AKAP13: variants seen among roughly 807,000 people sequenced by gnomAD.
AKAP13 encodes the protein A-kinase anchoring protein 13.
AKAP13 carries 80 observed loss-of-function variants against 264.5 expected under a neutral mutation model. That is an observed-to-expected ratio of 0.30 (90% CI 0.25 to 0.36). AKAP13 has a LOEUF of 0.36. Ranked by LOEUF, AKAP13 falls within the 10% of genes least tolerant of loss-of-function variation. AKAP13 has a pLI of 1.00. For missense variants in AKAP13, 3,712 were observed against 3,435.2 expected (o/e 1.08, Z -2.01); for synonymous variants, 1,380 against 1,250.2 (o/e 1.10, Z -2.19).
intron 9 of AKAP13, among the ~76,000 whole-genome samples, chr15:85,641,936 A>C (rs944679884): frequency 1.3e-5 from 2 of 152,210 alleles, no homozygotes; most frequent in African/African-American, 4.8e-5. Flanking sequence ...GTTTGTTGGC[A>C]TATATGTTGT....
chr15:85,594,328 T>A (rs2079712347), intron 8 of AKAP13, among the ~76,000 whole-genome samples: 1 of 152,234 alleles, frequency 6.6e-6, no homozygotes, highest in African/African-American at 2.4e-5. Context: ...AAGGCTCATA[T>A]TCTAGTAGGA....
At chr15:85,742,042 C>T (rs549827282) in intron 35 of AKAP13, among the ~76,000 whole-genome samples, 1 of 152,296 alleles carries the variant, frequency 6.6e-6, no homozygotes, top group East Asian at 1.9e-4. Context: ...CTCAAAAAAA[C>T]ACACACAGAA....
intron 12 of AKAP13, 80 bp from the exon 13 acceptor site, chr15:85,664,483 A>G: frequency 3.6e-6 from 5 of 1,396,602 alleles, no homozygotes; most frequent in Admixed American, 2.1e-5. Flanking sequence ...CAAGGGAGAT[A>G]TACCCAAAGG....
intron 13 of AKAP13, among the ~76,000 whole-genome samples, chr15:85,668,808 T>C (rs1414692826): frequency 6.6e-6 from 1 of 152,016 alleles, no homozygotes; most frequent in Non-Finnish European, 1.5e-5. Context: ...CTGGGCGTGG[T>C]GGTGCACCCC....
rs541006841 is a variant in AKAP13 at position 85,555,833 on chromosome 15, C to T, written c.662+11878C>T. The stretch of plus-strand genomic sequence containing the variant: ...AATTTTGTTGTATCATATACATAAA[C>T]TGTGGACACTTGGTTTGGATGCTGT... On this transcript the variant is annotated intron_variant, in intron 5 of 36. Coordinates refer to ENST00000394518, the MANE Select transcript of AKAP13 (RefSeq NM_007200.5). Among the ~76,000 whole-genome samples, 9 of 152,010 alleles carry T rather than the reference C, an allele frequency of 5.9e-5. 1 individual carries two copies. The highest frequency in any genetic ancestry group is 2.2e-4 in the African/African-American group (9 of 41,500).
At chr15:85,401,149 A>G (rs1380821347) in intron 1 of AKAP13, among the ~76,000 whole-genome samples, 2 of 152,112 alleles carry the variant, frequency 1.3e-5, no homozygotes, top group African/African-American at 4.8e-5. Context: ...GACACGAGCC[A>G]CTGTGCCCGG....
chr15:85,630,953 CA>C (rs2081758812), intron 8 of AKAP13, among the ~76,000 whole-genome samples: 1 of 151,470 alleles, frequency 6.6e-6, no homozygotes. Flanking sequence ...CATGTCCACA[CA>C]AAAACTCTGA....
Position 85,745,021 on chromosome 15 carries a change from G to T in AKAP13, c.*344G>T. ...AGGCTGAAAGAGTGTATCCAAGTAAGGTCTGAACCTCCGAATGCCTTTTAT... is the reference window on the plus strand; with the variant it reads ...AGGCTGAAAGAGTGTATCCAAGTAATGTCTGAACCTCCGAATGCCTTTTAT... On this transcript the variant is annotated 3_prime_UTR_variant, in exon 37 of 37. Coordinates refer to ENST00000394518, the MANE Select transcript of AKAP13 (RefSeq NM_007200.5). 1 of 218,268 alleles carries T rather than the reference G, an allele frequency of 4.6e-6. No homozygotes were observed. Among genetic ancestry groups the T allele is most frequent in the Non-Finnish European group, 9.1e-6 (1 of 109,970 alleles). 13.5% of individuals were successfully genotyped at this position (218,268 alleles called of 1,614,324 possible). A position where few individuals can be genotyped will look rare whatever the true frequency, so the allele number is the denominator to read the frequency against.
chr15:85,717,063 GGCTC>G, intron 20 of AKAP13: 1 of 453,516 alleles, frequency 2.2e-6, no homozygotes, highest in East Asian at 4.2e-5. Context: ...TCTTTAAAAA[GGCTC>G]AAAAAGTCCT....
chr15:85,520,203 A>C (rs75536012), intron 2 of AKAP13, among the ~76,000 whole-genome samples: 1,611 of 152,204 alleles, frequency 0.011, 37 homozygotes, highest in African/African-American at 0.034. Context: ...AAACTACTAA[A>C]GAGTATTTGC....
At chr15:85,561,605 T>C (rs2151264314) in intron 5 of AKAP13, among the ~76,000 whole-genome samples, 1 of 152,360 alleles carries the variant, frequency 6.6e-6, no homozygotes, top group East Asian at 1.9e-4. Flanking sequence ...TTGTGAATGT[T>C]GGTATATTAG....
At chr15:85,389,602 T>C (rs1231929575) in intron 1 of AKAP13, among the ~76,000 whole-genome samples, 26 of 152,196 alleles carry the variant, frequency 1.7e-4, no homozygotes, top group Admixed American at 1.7e-3. Flanking sequence ...ATTACAGGAT[T>C]CTCAAAATCT....
chr15:85,513,293 G>T (rs1209826534), intron 2 of AKAP13, among the ~76,000 whole-genome samples: 2 of 152,100 alleles, frequency 1.3e-5, no homozygotes, highest in Admixed American at 1.3e-4. Flanking sequence ...CATCTGTATT[G>T]ATAGGGCTTC....
intron 2 of AKAP13, among the ~76,000 whole-genome samples, chr15:85,491,892 T>C (rs1401313216): frequency 6.6e-6 from 1 of 152,174 alleles, no homozygotes. Flanking sequence ...ATGCATGCAG[T>C]GCTCACAGCA....
chr15:85,636,389 T>C (rs919321535), intron 8 of AKAP13, among the ~76,000 whole-genome samples: 3 of 152,236 alleles, frequency 2.0e-5, no homozygotes, highest in Non-Finnish European at 4.4e-5. Context: ...TTCTTTCTTT[T>C]TCTGCTTTAC....
At chr15:85,599,430 C>A (rs1596659044) in intron 8 of AKAP13, among the ~76,000 whole-genome samples, 1 of 152,154 alleles carries the variant, frequency 6.6e-6, no homozygotes, top group Admixed American at 6.5e-5. Context: ...CCACAGGTTT[C>A]TTTGTAGCCA....
chr15:85,442,429 T>C (rs1369217249), intron 1 of AKAP13, among the ~76,000 whole-genome samples: 1 of 127,562 alleles, frequency 7.8e-6, no homozygotes, highest in Non-Finnish European at 1.6e-5. Flanking sequence ...AAAAAATATA[T>C]ATATATATAA....
intron 1 of AKAP13, among the ~76,000 whole-genome samples, chr15:85,410,769 C>T (rs1373897745): frequency 6.6e-6 from 1 of 151,648 alleles, no homozygotes; most frequent in Non-Finnish European, 1.5e-5. Flanking sequence ...GAATCCTTCT[C>T]TAGCTGGTCC....
intron 17 of AKAP13, among the ~76,000 whole-genome samples, chr15:85,699,413 T>C (rs1452410910): frequency 1.3e-5 from 2 of 151,692 alleles, no homozygotes; most frequent in Non-Finnish European, 2.9e-5. Context: ...CACCGCACTT[T>C]AGCGTGCGCA....
Sources: gnomAD v4.1 joint callset for allele counts (sites outside exome capture counted in the v4.1 genomes callset) on GRCh38, gnomAD v4.1.1 for gene constraint, MANE v1.5 for transcripts, NCBI Gene and HGNC (gene_info 2026-07-23, HGNC 2026-07-21) for gene names.